FSHR: variants seen among roughly 807,000 people sequenced by gnomAD.
The protein encoded by FSHR is follicle stimulating hormone receptor.
In FSHR, 46 loss-of-function variants were observed where a neutral mutation model predicts 52.1. That is an observed-to-expected ratio of 0.88 (90% CI 0.70 to 1.13). The LOEUF is 1.13. FSHR is among the 50% of genes most tolerant of loss of function. The pLI is 0.00. For synonymous variants in FSHR, 399 were observed against 309.6 expected (o/e 1.29, Z -3.03); for missense variants, 964 against 834.6 (o/e 1.16, Z -1.91).
intron 2 of FSHR, among the ~76,000 whole-genome samples, chr2:49,038,164 C>A (rs1289184615): frequency 6.6e-6 from 1 of 151,958 alleles, no homozygotes; most frequent in African/African-American, 2.4e-5. Context: ...TTCAGACATG[C>A]AATAACTGAA....
chr2:49,090,387 G>T (rs896225151), intron 1 of FSHR, among the ~76,000 whole-genome samples: 1 of 152,178 alleles, frequency 6.6e-6, no homozygotes, highest in African/African-American at 2.4e-5. Context: ...TAACATGTGA[G>T]ACTGGCTTCT....
chr2:48,989,738 C>T (rs1198473130), intron 5 of FSHR, among the ~76,000 whole-genome samples: 1 of 152,160 alleles, frequency 6.6e-6, no homozygotes, highest in African/African-American at 2.4e-5. Flanking sequence ...TCTGCCTGTT[C>T]TCCTTGGGTC....
chr2:49,087,277 A>G (rs1324470685), intron 1 of FSHR, among the ~76,000 whole-genome samples: 1 of 151,924 alleles, frequency 6.6e-6, no homozygotes, highest in Non-Finnish European at 1.5e-5. Context: ...CTTCTACCTC[A>G]GGTGTACACA....
intron 1 of FSHR, among the ~76,000 whole-genome samples, chr2:49,111,473 A>G (rs1671420190): frequency 6.6e-6 from 1 of 152,174 alleles, no homozygotes; most frequent in Non-Finnish European, 1.5e-5. Context: ...GGCCGAGGAA[A>G]GTATTATTAT....
intron 8 of FSHR, among the ~76,000 whole-genome samples, chr2:48,977,222 T>C (rs1675030550): frequency 6.6e-6 from 1 of 152,082 alleles, no homozygotes. Context: ...AGAACATAAA[T>C]CATGGCACAG....
chr2:49,140,949 G>A (rs927124391), intron 1 of FSHR, among the ~76,000 whole-genome samples: 1 of 152,098 alleles, frequency 6.6e-6, no homozygotes, highest in African/African-American at 2.4e-5. Flanking sequence ...CTCTACATCT[G>A]CAGAAGATCA....
intron 4 of FSHR, 103 bp from the exon 5 acceptor site, chr2:48,990,740 A>G (rs2104102012): frequency 1.2e-6 from 1 of 800,554 alleles, no homozygotes; most frequent in East Asian, 2.5e-5. Flanking sequence ...TTGAACCATC[A>G]GAAAAATCTA....
intron 1 of FSHR, among the ~76,000 whole-genome samples, chr2:49,137,481 G>C (rs1448583805): frequency 6.6e-6 from 1 of 152,058 alleles, no homozygotes; most frequent in Non-Finnish European, 1.5e-5. Flanking sequence ...TGAAGAAATT[G>C]ACAGGCTGAT....
intron 2 of FSHR, among the ~76,000 whole-genome samples, chr2:49,066,013 T>A (rs1379684556): frequency 2.0e-5 from 3 of 152,120 alleles, no homozygotes; most frequent in African/African-American, 7.2e-5. Context: ...GTAACTGTGG[T>A]ATTTTTGAGA....
intron 1 of FSHR, among the ~76,000 whole-genome samples, chr2:49,146,240 A>G (rs966602348): frequency 1.3e-5 from 2 of 152,074 alleles, no homozygotes; most frequent in East Asian, 1.9e-4. Flanking sequence ...TAGGGATGTA[A>G]TCCTATCTTA....
intron 1 of FSHR, among the ~76,000 whole-genome samples, chr2:49,132,112 G>A (rs1406114333): frequency 2.0e-5 from 3 of 152,208 alleles, no homozygotes; most frequent in Non-Finnish European, 4.4e-5. Flanking sequence ...GCAAGTGGCT[G>A]TATACACTGT....
intron 4 of FSHR, among the ~76,000 whole-genome samples, chr2:49,011,265 TC>T (rs1414030669): frequency 2.0e-5 from 3 of 152,212 alleles, no homozygotes; most frequent in African/African-American, 7.2e-5. Flanking sequence ...CATATTTATT[TC>T]TGCCTTCATT....
intron 1 of FSHR, among the ~76,000 whole-genome samples, chr2:49,084,930 G>T (rs1286222506): frequency 2.0e-5 from 3 of 152,056 alleles, no homozygotes; most frequent in Non-Finnish European, 4.4e-5. Context: ...GGAGGAACTG[G>T]TACCATTCCT....
At chr2:49,152,208 G>A (rs1037687233) in intron 1 of FSHR, among the ~76,000 whole-genome samples, 2 of 152,072 alleles carry the variant, frequency 1.3e-5, no homozygotes, top group African/African-American at 2.4e-5. Context: ...CCTCTAATAC[G>A]TACACTGAAG....
intron 4 of FSHR, among the ~76,000 whole-genome samples, chr2:49,016,197 A>C (rs145374683): frequency 6.6e-6 from 1 of 152,302 alleles, no homozygotes; most frequent in African/African-American, 2.4e-5. Flanking sequence ...CTGAGCATCT[A>C]CTATCAGAGG....
intron 8 of FSHR, among the ~76,000 whole-genome samples, chr2:48,977,121 C>T (rs1675025091): frequency 7.2e-6 from 1 of 139,524 alleles, no homozygotes; most frequent in East Asian, 2.2e-4. Flanking sequence ...AAAATCCCCT[C>T]TCCTCTCTCT....
intron 6 of FSHR, 69 bp downstream of exon 6, chr2:48,988,908 A>G (rs767741965): frequency 1.6e-5 from 21 of 1,335,728 alleles, no homozygotes; most frequent in Non-Finnish European, 2.0e-5. Flanking sequence ...GGAGCATCCA[A>G]TTATGAGAAA....
chr2:49,052,440 T>C (rs533150839), intron 2 of FSHR, among the ~76,000 whole-genome samples: 37 of 152,360 alleles, frequency 2.4e-4, no homozygotes, highest in African/African-American at 8.4e-4. Context: ...CTTTCAATTT[T>C]AGATGTACAT....
At position 48,964,021 on chromosome 2, in the gene FSHR, A is replaced by G. The variant is rs1400780092; in HGVS notation, c.855-55T>C. The G allele has an allele frequency of 1.9e-6, 3 of 1,543,830 alleles. No individual in the cohort carries two copies. The African/African-American group carries it at 4.1e-5, about 21-fold the overall frequency. On this transcript the variant is annotated intron_variant, in intron 9 of 9. Transcript: ENST00000406846. ...ACATCTCAGATCCAGTATAGCAAAT[A>G]CATCACTGTCTTTGTGCAGGGTAGA... is the stretch of plus-strand genomic sequence containing the variant.
Sources: allele counts gnomAD v4.1 joint callset (sites outside exome capture counted in the v4.1 genomes callset), GRCh38; gene constraint gnomAD v4.1.1; transcripts MANE v1.5; gene names NCBI Gene and HGNC (gene_info 2026-07-23, HGNC 2026-07-21).